DOP1A: variants seen among roughly 807,000 people sequenced by gnomAD.
The protein encoded by DOP1A is DOP1 leucine zipper like protein A.
A neutral mutation model predicts 267.6 loss-of-function variants in DOP1A; 90 were observed. The observed-to-expected ratio is 0.34, with a 90% CI of 0.28 to 0.40. The LOEUF is 0.40. DOP1A is among the 10% of genes least tolerant of loss of function. The pLI is 1.00. For synonymous variants in DOP1A, 932 were observed against 999.1 expected (o/e 0.93, Z 1.27); for missense variants, 2,437 against 2,900.4 (o/e 0.84, Z 3.67).
At chr6:83,080,080 T>C (rs1271540952) in intron 1 of DOP1A, among the ~76,000 whole-genome samples, 1 of 150,310 alleles carries the variant, frequency 6.7e-6, no homozygotes, top group African/African-American at 2.5e-5. Flanking sequence ...TCTTTAAGTG[T>C]ACTATTCTGA....
chr6:83,091,493 AAAGT>A (rs1446547321), intron 1 of DOP1A, among the ~76,000 whole-genome samples: 2 of 152,226 alleles, frequency 1.3e-5, no homozygotes, highest in African/African-American at 4.8e-5. Context: ...TGCCTAAAAA[AAAGT>A]AAGAAAGTTC....
At chr6:83,099,497 T>G (rs1235386611) in intron 3 of DOP1A, among the ~76,000 whole-genome samples, 1 of 152,176 alleles carries the variant, frequency 6.6e-6, no homozygotes, top group African/African-American at 2.4e-5. Flanking sequence ...CTGGGAACTC[T>G]TTTTAAAGGC....
intron 1 of DOP1A, among the ~76,000 whole-genome samples, chr6:83,072,503 G>A (rs1785790390): frequency 6.6e-6 from 1 of 152,110 alleles, no homozygotes; most frequent in South Asian, 2.1e-4. Context: ...TAAGTAAAGA[G>A]CCATCTTGGA....
intron 1 of DOP1A, among the ~76,000 whole-genome samples, chr6:83,087,325 G>T (rs1769453413): frequency 6.6e-6 from 1 of 152,172 alleles, no homozygotes; most frequent in African/African-American, 2.4e-5. Flanking sequence ...GGATAGTGTT[G>T]AGTACCTGTT....
chr6:83,110,385 T>C, intron 6 of DOP1A, 71 bp downstream of exon 6: 4 of 1,457,748 alleles, frequency 2.7e-6, no homozygotes, highest in East Asian at 2.3e-5. Context: ...CAGACATATA[T>C]TGAGGATTGT....
intron 4 of DOP1A, among the ~76,000 whole-genome samples, chr6:83,106,512 A>C (rs1351102182): frequency 2.0e-5 from 3 of 152,042 alleles, no homozygotes; most frequent in African/African-American, 7.2e-5. Context: ...AGTCAGAAAT[A>C]GAAAATGTAC....
intron 23 of DOP1A, 44 bp downstream of exon 23, chr6:83,140,447 G>A (rs746686423): frequency 4.9e-6 from 7 of 1,425,110 alleles, no homozygotes; most frequent in African/African-American, 1.4e-5. Context: ...AGAGTCTGAG[G>A]ACCTTCCCAA....
At chr6:83,142,765 C>G (rs902900212) in intron 24 of DOP1A, among the ~76,000 whole-genome samples, 2 of 151,486 alleles carry the variant, frequency 1.3e-5, no homozygotes, top group African/African-American at 4.8e-5. Context: ...TTTTTTTCTA[C>G]TTTTTTTGGT....
At chr6:83,168,915 A>G (rs1786461626), downstream of DOP1A, 2 of 1,084,478 alleles carry the variant, frequency 1.8e-6, no homozygotes, top group African/African-American at 1.6e-5. Context: ...GGAGTTGGTA[A>G]TAAGATTTAA....
At chr6:83,167,324 C>CGA in intron 38 of DOP1A, 4 of 985,466 alleles carry the variant, frequency 4.1e-6, no homozygotes, top group Non-Finnish European at 4.8e-6. Flanking sequence ...CCTGAGGGAT[C>CGA]CCTTCCTTTC....
rs1221790345 is a variant in DOP1A, at chr6:83,129,287, A to T, written c.2120A>T (p.His707Leu). 2 of 1,609,812 alleles carry T rather than the reference A, an allele frequency of 1.2e-6. No individual in the cohort carries two copies. The highest frequency in any genetic ancestry group is 1.7e-6 in the Non-Finnish European group (2 of 1,178,470). The change falls in exon 16 of 39, where the codon CAT (histidine) becomes CTT (leucine). Residue 707 changes from histidine (H) to leucine (L), a missense_variant. By Grantham distance (99) the His-to-Leu change is moderately conservative (BLOSUM62 -3). Around this residue, in one of 9 missense-constraint regions of DOP1A, gnomAD observed 498 missense variants for 513.5 expected, o/e 0.97. Transcript: ENST00000349129. ...TTTTCTCAGTCTTTGGCTACAGAAC[A>T]TCAAGGGGATCTTGGTCGAGAACAA... Reference protein sequence around the residue: ...NSFSQSLATEHQGDLGREQGE... With the variant: ...NSFSQSLATELQGDLGREQGE...
chr6:83,160,871 T>G (rs184111777), intron 37 of DOP1A, among the ~76,000 whole-genome samples: 14 of 152,116 alleles, frequency 9.2e-5, no homozygotes, highest in Non-Finnish European at 2.1e-4. Context: ...GCTCCAAAAT[T>G]TGCTATTTTA....
chr6:83,129,170 C>T lies in DOP1A; in HGVS notation c.2003C>T (p.Thr668Ile), dbSNP rs768511280. The change falls in exon 16 of 39, where the codon ACA (threonine) becomes ATA (isoleucine). Residue 668 changes from threonine to isoleucine, a missense_variant. Around this residue, in one of 9 missense-constraint regions of DOP1A, gnomAD observed 498 missense variants for 513.5 expected, o/e 0.97. Coordinates refer to ENST00000349129, the MANE Select transcript of DOP1A (RefSeq NM_015018.4). ...GGGACAGCAACCCGAAGTAGGAAGA[C>T]AGCCCAAAAGACTGCAATGCAGTGC... ...TQGTATRSRK[T>I]AQKTAMQCCL... is the part of the protein sequence containing the mutation. The T allele has an allele frequency of 6.2e-7, 1 of 1,612,766 alleles. No individual in the cohort carries two copies. Among genetic ancestry groups the T allele is most frequent in the Non-Finnish European group, 8.5e-7 (1 of 1,179,398 alleles).
At chr6:83,154,844 C>T (rs922193663) in intron 33 of DOP1A, among the ~76,000 whole-genome samples, 3 of 151,768 alleles carry the variant, frequency 2.0e-5, no homozygotes, top group African/African-American at 7.3e-5. Flanking sequence ...ATAGCAGTAA[C>T]ATTGTATGAT....
chr6:83,117,066 T>C (rs975936377), intron 7 of DOP1A, among the ~76,000 whole-genome samples: 2 of 152,116 alleles, frequency 1.3e-5, no homozygotes, highest in Non-Finnish European at 2.9e-5. Flanking sequence ...ACAATTGCTT[T>C]TCCTTAAGAC....
intron 1 of DOP1A, among the ~76,000 whole-genome samples, chr6:83,074,020 G>C (rs1351628055): frequency 6.6e-6 from 1 of 152,210 alleles, no homozygotes; most frequent in African/African-American, 2.4e-5. Context: ...CCAAGAGCAT[G>C]AATATCAGGA....
intron 9 of DOP1A, among the ~76,000 whole-genome samples, chr6:83,120,393 T>G (rs1776177422): frequency 1.3e-5 from 2 of 151,906 alleles, no homozygotes; most frequent in Non-Finnish European, 2.9e-5. Context: ...TGATCTTAAA[T>G]AGAAATTCAT....
chr6:83,085,053 T>C (rs1768844789), intron 1 of DOP1A, among the ~76,000 whole-genome samples: 1 of 152,222 alleles, frequency 6.6e-6, no homozygotes, highest in Non-Finnish European at 1.5e-5. Context: ...TTTAAAGCAC[T>C]TAATAGCCAT....
At position 83,157,114 on chromosome 6, in the gene DOP1A, C is replaced by T. The variant is rs554687233; in HGVS notation, c.6605-68C>T. 3.8e-5 allele frequency: 57 copies of T among 1,509,154 alleles called. No individual in the cohort carries two copies. In the South Asian group the frequency reaches 3.8e-4, roughly 10 times the overall value. 93.5% of individuals were successfully genotyped at this position (1,509,154 alleles called of 1,614,324 possible). Reference sequence around the variant, plus strand: ...TACAGATAGTTTGAGAGTACTGGACCGACAATATAGAAAGTTTTATGTGAT... The same window carrying T: ...TACAGATAGTTTGAGAGTACTGGACTGACAATATAGAAAGTTTTATGTGAT... On this transcript the variant is annotated intron_variant, in intron 34 of 38. Transcript: ENST00000349129.
Sources: allele counts gnomAD v4.1 joint callset (sites outside exome capture counted in the v4.1 genomes callset), GRCh38; gene constraint gnomAD v4.1.1; regional missense constraint gnomAD v4.1.1; transcripts MANE v1.5; gene names NCBI Gene and HGNC (gene_info 2026-07-23, HGNC 2026-07-21).